The following ADAMTSL1 variants were observed in gnomAD, a reference collection of about 807,000 sequenced individuals.
ADAMTSL1 encodes the protein ADAMTS like 1, also known as ADAMTS-like protein 1.
In ADAMTSL1, 126 loss-of-function variants were observed where a neutral mutation model predicts 201.8. The ratio of observed to expected loss-of-function variants is 0.62; its 90% CI spans 0.54 to 0.72. ADAMTSL1 has a LOEUF of 0.72. Among genes scored for constraint, ADAMTSL1 ranks in the 30% least tolerant of loss-of-function variants. The pLI, the probability that ADAMTSL1 is intolerant of heterozygous loss-of-function variation, is 0.00. For missense variants in ADAMTSL1, 2,679 were observed against 2,277.8 expected (o/e 1.18, Z -3.59); for synonymous variants, 1,121 against 903.4 (o/e 1.24, Z -4.32).
intron 2 of ADAMTSL1, among the ~76,000 whole-genome samples, chr9:18,220,677 C>G (rs1015157966): frequency 6.6e-6 from 1 of 152,048 alleles, no homozygotes; most frequent in African/African-American, 2.4e-5. Context: ...TGCATTTCCT[C>G]CTTTCTCTTC....
In ADAMTSL1 at chr9:18,109,379, C is replaced by T. The variant is rs1587070705; in HGVS notation, c.88-54483C>T. ...AGTTTGGAGCCTGCACACAGTAGCC[C>T]AGGAAGTAGCTGACTGCAGTACTTC... On this transcript the variant is annotated intron_variant, in intron 1 of 29. Transcript: ENST00000680146. Among the ~76,000 whole-genome samples the T allele has an allele frequency of 2.0e-5, 3 of 152,206 alleles. No homozygotes were observed. The Middle Eastern group carries it at 0.01, about 518-fold the overall frequency.
intron 2 of ADAMTSL1, among the ~76,000 whole-genome samples, chr9:18,236,246 A>AT: frequency 6.6e-6 from 1 of 152,052 alleles, no homozygotes; most frequent in South Asian, 2.1e-4. Context: ...AATTTTTTGT[A>AT]TTTTTACTAG....
intron 1 of ADAMTSL1, among the ~76,000 whole-genome samples, chr9:18,129,966 G>A (rs190075285): frequency 1.2e-4 from 19 of 152,262 alleles, no homozygotes; most frequent in Admixed American, 1.2e-3. Flanking sequence ...TGAGCTGCCC[G>A]CTGCCAGCCT....
At chr9:18,753,576 C>T in intron 16 of ADAMTSL1, 68 bp downstream of exon 16, 1 of 1,524,150 alleles carries the variant, frequency 6.6e-7, no homozygotes, top group South Asian at 1.2e-5. Context: ...GGGATGCTCT[C>T]TCAGAGTGGT....
intron 1 of ADAMTSL1, among the ~76,000 whole-genome samples, chr9:18,056,542 G>A (rs1822194026): frequency 6.6e-6 from 1 of 152,130 alleles, no homozygotes; most frequent in African/African-American, 2.4e-5. Context: ...ACAACACATA[G>A]GGAGACGGTT....
chr9:18,118,798 A>G (rs976710546), intron 1 of ADAMTSL1, among the ~76,000 whole-genome samples: 1 of 152,180 alleles, frequency 6.6e-6, no homozygotes, highest in African/African-American at 2.4e-5. Context: ...ATATGCCTTT[A>G]TTCGAAATTG....
intron 4 of ADAMTSL1, among the ~76,000 whole-genome samples, chr9:18,583,295 G>A (rs7023164): frequency 0.65 from 99,333 of 152,046 alleles, 33,640 homozygotes; most frequent in African/African-American, 0.84. Context: ...GTCAAGGTAG[G>A]GCTCGGGCCG....
At chr9:18,552,968 A>G (rs1471513195) in intron 3 of ADAMTSL1, among the ~76,000 whole-genome samples, 2 of 151,164 alleles carry the variant, frequency 1.3e-5, no homozygotes, top group Admixed American at 6.6e-5. Flanking sequence ...TCTTCCATCT[A>G]TTTGCTGTCA....
intron 2 of ADAMTSL1, among the ~76,000 whole-genome samples, chr9:18,447,182 G>A (rs907012720): frequency 6.6e-6 from 1 of 152,126 alleles, no homozygotes; most frequent in African/African-American, 2.4e-5. Context: ...AATATTTTCT[G>A]TATTATATAG....
At chr9:18,317,177 GA>G (rs1352642591) in intron 2 of ADAMTSL1, among the ~76,000 whole-genome samples, 1 of 152,042 alleles carries the variant, frequency 6.6e-6, no homozygotes, top group Admixed American at 6.6e-5. Context: ...TGGAATCTAG[GA>G]AAAAAGTTAA....
At chr9:18,571,166 T>C (rs1300907814) in intron 3 of ADAMTSL1, among the ~76,000 whole-genome samples, 2 of 152,214 alleles carry the variant, frequency 1.3e-5, no homozygotes, top group Non-Finnish European at 2.9e-5. Context: ...ATGTCTGTAC[T>C]AAGATGATAT....
At chr9:18,299,769 A>G (rs1011765489) in intron 2 of ADAMTSL1, among the ~76,000 whole-genome samples, 1 of 152,348 alleles carries the variant, frequency 6.6e-6, no homozygotes, top group East Asian at 1.9e-4. Context: ...AGCTAGGCCA[A>G]TAAGAGTGGA....
chr9:18,580,236 C>T (rs914472203), intron 4 of ADAMTSL1, among the ~76,000 whole-genome samples: 2 of 152,086 alleles, frequency 1.3e-5, no homozygotes, highest in African/African-American at 4.8e-5. Context: ...AAATGAATCA[C>T]AGAGTTTTGA....
At chr9:18,048,562 C>A (rs755822817) in intron 1 of ADAMTSL1, among the ~76,000 whole-genome samples, 1 of 152,014 alleles carries the variant, frequency 6.6e-6, no homozygotes, top group Admixed American at 6.5e-5. Flanking sequence ...TGTTACTAAT[C>A]GGGGAAATTG....
intron 9 of ADAMTSL1, among the ~76,000 whole-genome samples, chr9:18,664,268 T>C (rs992861929): frequency 1.3e-5 from 2 of 152,060 alleles, no homozygotes; most frequent in Non-Finnish European, 2.9e-5. Flanking sequence ...AAAGCAACCC[T>C]TCTGAATTCT....
intron 1 of ADAMTSL1, among the ~76,000 whole-genome samples, chr9:17,913,766 G>A (rs1825980048): frequency 6.6e-6 from 1 of 151,798 alleles, no homozygotes; most frequent in African/African-American, 2.4e-5. Context: ...AAAATTGATA[G>A]ACCGCTAGCG....
chr9:18,533,900 T>C (rs754320846), intron 3 of ADAMTSL1, among the ~76,000 whole-genome samples: 6 of 152,180 alleles, frequency 3.9e-5, no homozygotes, highest in Non-Finnish European at 8.8e-5. Flanking sequence ...GAAAAGGTGA[T>C]TTGAGATACA....
chr9:18,704,203 A>G (rs1832099966), intron 13 of ADAMTSL1, among the ~76,000 whole-genome samples: 1 of 152,186 alleles, frequency 6.6e-6, no homozygotes, highest in African/African-American at 2.4e-5. Context: ...AGCCACACTA[A>G]TTTGTTTACA....
At chr9:18,254,675 C>G (rs1357831052) in intron 2 of ADAMTSL1, among the ~76,000 whole-genome samples, 1 of 140,612 alleles carries the variant, frequency 7.1e-6, no homozygotes, top group Non-Finnish European at 1.5e-5. Flanking sequence ...CCGCCCCCCC[C>G]AGTACTCTTA....
Sources: gnomAD v4.1 joint callset for allele counts (sites outside exome capture counted in the v4.1 genomes callset) on GRCh38, gnomAD v4.1.1 for gene constraint, MANE v1.5 for transcripts, NCBI Gene and HGNC (gene_info 2026-07-23, HGNC 2026-07-21) for gene names.